Variants in TK2 observed in about 807,000 individuals in gnomAD.
TK2 encodes the protein thymidine kinase 2.
A neutral mutation model predicts 41.9 loss-of-function variants in TK2; 35 were observed. That is an observed-to-expected ratio of 0.84 (90% confidence interval 0.64 to 1.11). TK2 has a LOEUF of 1.11. Ranked by LOEUF, TK2 falls within the 50% of genes least tolerant of loss-of-function variation. TK2 has a pLI of 0.00. For synonymous variants in TK2, 128 were observed against 129.1 expected (o/e 0.99, Z 0.06); for missense variants, 320 against 351.1 (o/e 0.91, Z 0.71).
chr16:66,530,029 T>C (rs1965060719), intron 5 of TK2, among the ~76,000 whole-genome samples: 1 of 152,130 alleles, frequency 6.6e-6, no homozygotes, highest in African/African-American at 2.4e-5. Context: ...ACAACTTAGG[T>C]TTGCAATTGA....
rs1197038268 is a variant in TK2 at position 66,550,104 on chromosome 16, C to G, written c.-43G>C. The stretch of plus-strand genomic sequence containing the variant: ...CAGAGGCCCGGGGTTCCTTCTTGTG[C>G]GAGTCGGCGCGGACGACTGCTAGTC... On this transcript the variant is annotated 5_prime_UTR_variant, in exon 1 of 10. Transcript: ENST00000544898. 12 of 1,608,156 alleles carry G rather than the reference C, an allele frequency of 7.5e-6. No homozygotes were observed. Among genetic ancestry groups the G allele is most frequent in the Non-Finnish European group, 9.3e-6 (11 of 1,178,358 alleles).
At chr16:66,520,098 T>C (rs894289205) in intron 6 of TK2, among the ~76,000 whole-genome samples, 1 of 152,216 alleles carries the variant, frequency 6.6e-6, no homozygotes, top group South Asian at 2.1e-4. Flanking sequence ...CTGAGCAGAC[T>C]GCAGCACAGA....
chr16:66,545,907 G>A (rs1031227427), intron 2 of TK2, among the ~76,000 whole-genome samples: 5 of 152,112 alleles, frequency 3.3e-5, no homozygotes, highest in Admixed American at 1.3e-4. Flanking sequence ...TATATGGAAC[G>A]TCCAGAAAAC....
chr16:66,528,927 A>C (rs1226818682), intron 6 of TK2, 67 bp downstream of exon 6: 1 of 1,474,000 alleles, frequency 6.8e-7, no homozygotes. Context: ...AATCGAATAA[A>C]CAAGTTTCTA....
At chr16:66,548,328 C>A in intron 2 of TK2, among the ~76,000 whole-genome samples, 1 of 152,154 alleles carries the variant, frequency 6.6e-6, no homozygotes, top group East Asian at 1.9e-4. Context: ...TGCCAAGCCA[C>A]CCCCTTCCCA....
Position 66,517,079 on chromosome 16 carries a change from G to T in TK2, c.618+57C>A. 1 of 1,497,488 alleles carries T rather than the reference G, an allele frequency of 6.7e-7. No homozygotes were observed. Among genetic ancestry groups the T allele is most frequent in the Non-Finnish European group, 9.3e-7 (1 of 1,073,866 alleles). The allele number at this position is 1,497,488 out of a possible 1,614,324, so 92.8% of individuals were successfully genotyped here. On this transcript the variant is annotated intron_variant, in intron 8 of 9. Coordinates refer to ENST00000544898, the MANE Select transcript of TK2 (RefSeq NM_004614.5). This position sits in a 1 kb window ranked among gnomAD's most constrained non-coding sequence, Gnocchi z 4.3. ...GGGGTGGGGCCGGGAGAGGAAGCCG[G>T]GTTGGACAGAGGTGGTTTCCCAGTT...
chr16:66,541,804 G>T, intron 3 of TK2, 75 bp downstream of exon 3: 1 of 1,464,216 alleles, frequency 6.8e-7, no homozygotes, highest in Non-Finnish European at 9.6e-7. Context: ...TATTGGACAA[G>T]GTTAGTCCAC....
intron 3 of TK2, among the ~76,000 whole-genome samples, chr16:66,540,316 G>T (rs1367907984): frequency 6.6e-6 from 1 of 151,772 alleles, no homozygotes; most frequent in Non-Finnish European, 1.5e-5. Context: ...GGGACTACAG[G>T]CATGTGCCAC....
chr16:66,518,496 C>T (rs1169287092), intron 6 of TK2, among the ~76,000 whole-genome samples: 43 of 152,282 alleles, frequency 2.8e-4, no homozygotes, highest in Non-Finnish European at 8.8e-5. Context: ...TGCCACTGCA[C>T]TCCAGCCTGG....
At chr16:66,528,788 G>A (rs1307075566) in intron 6 of TK2, among the ~76,000 whole-genome samples, 1 of 152,160 alleles carries the variant, frequency 6.6e-6, no homozygotes, top group African/African-American at 2.4e-5. Context: ...AGAGCTGCCT[G>A]GTGACCACCC....
chr16:66,517,957 C>CGGCTCTCAATGAAAGGAGTCAATGAAA lies in TK2; in HGVS notation c.450-81_450-80insTTTCATTGACTCCTTTCATTGAGAGCC. On this transcript the variant is annotated intron_variant, in intron 6 of 9. Transcript: ENST00000544898. This position sits in a 1 kb window ranked among gnomAD's most constrained non-coding sequence, Gnocchi z 4.3. ...CAATTCCCCCAAAAGGATCTTGAGA[C>CGGCTCTCAATGAAAGGAGTCAATGAAA]GGCTCTCAATGAAAGGAGTCACCAA... 8.3e-7 allele frequency: 1 copy of CGGCTCTCAATGAAAGGAGTCAATGAAA among 1,211,722 alleles called. No homozygotes were observed. The highest frequency in any genetic ancestry group is 1.2e-6 in the Non-Finnish European group (1 of 814,070). The allele number at this position is 1,211,722 out of a possible 1,614,324, so 75.1% of individuals were successfully genotyped here. A position where few individuals can be genotyped will look rare whatever the true frequency, so the allele number is the denominator to read the frequency against.
At chr16:66,515,034 G>A (rs1388370090) in intron 8 of TK2, among the ~76,000 whole-genome samples, 2 of 152,070 alleles carry the variant, frequency 1.3e-5, no homozygotes, top group African/African-American at 4.8e-5. Context: ...ACTGCGGAAG[G>A]CGGCAGGGCC....
intron 2 of TK2, among the ~76,000 whole-genome samples, chr16:66,543,444 C>CTCCG (rs1313937372): frequency 6.6e-6 from 1 of 152,200 alleles, no homozygotes; most frequent in African/African-American, 2.4e-5. Flanking sequence ...GTGGCTCTGG[C>CTCCG]TCCAGCAGAT....
At chr16:66,549,223 T>A in intron 1 of TK2, 1 of 1,425,918 alleles carries the variant, frequency 7.0e-7, no homozygotes, top group Non-Finnish European at 9.2e-7. Flanking sequence ...GGACCCCCAG[T>A]GTGCTCGAGT....
At chr16:66,530,913 G>A (rs1965090829) in intron 5 of TK2, among the ~76,000 whole-genome samples, 1 of 152,000 alleles carries the variant, frequency 6.6e-6, no homozygotes, top group Admixed American at 6.6e-5. Flanking sequence ...AGTAGAGATG[G>A]GGTTTCACCA....
rs1284120604 is a variant in TK2 at position 66,548,962 on chromosome 16, T to TA, written c.156+15dup. ...ACCAAATTATCCTAGAGAGTACACA[T>TA]AAAAGAGGGACTTACCACTGATTTT... On this transcript the variant is annotated intron_variant, in intron 2 of 9. Transcript: ENST00000544898. The TA allele has an allele frequency of 2.5e-6, 4 of 1,610,842 alleles. No homozygotes were observed. The Admixed American group carries it at 6.7e-5, about 27-fold the overall frequency.
rs999183757 is a variant in TK2, at chr16:66,510,044, C to T, written c.*1924G>A. On this transcript the variant is annotated 3_prime_UTR_variant, in exon 10 of 10. Transcript: ENST00000544898. ...AAACACGGAGTTTGAAAAATAAAAA[C>T]ACGTTAATCTACTGGCAAAAGCAGC... 6.6e-6 allele frequency: 1 copy of T among 152,126 alleles called. No individual in the cohort carries two copies. The highest frequency in any genetic ancestry group is 2.4e-5 in the African/African-American group (1 of 41,420). The allele number at this position is 152,126 out of a possible 1,614,324, so 9.4% of individuals were successfully genotyped here.
chr16:66,536,141 T>A (rs1567536227), intron 4 of TK2, among the ~76,000 whole-genome samples: 2 of 150,532 alleles, frequency 1.3e-5, no homozygotes, highest in Non-Finnish European at 1.5e-5. Context: ...GAGACAGAGG[T>A]TGCAGTGAGC....
Position 66,517,860 on chromosome 16 carries a change from A to G in TK2, c.467T>C (p.Val156Ala). Reference protein sequence around the residue: ...NLYRSGKMPEVDYVVLSEWFD... With the variant: ...NLYRSGKMPEADYVVLSEWFD... ...CCATTCCGACAGAACTACATAGTCCACTTCTGGCATCTTCCCACTGCAATG... is the reference window on the plus strand; with the variant it reads ...CCATTCCGACAGAACTACATAGTCCGCTTCTGGCATCTTCCCACTGCAATG... The change falls in exon 7 of 10, where the codon GTG becomes GCG. Residue 156 changes from valine to alanine, a missense_variant. Transcript: ENST00000544898. The surrounding 1 kb of genome is among the most constrained non-coding windows in gnomAD (Gnocchi z 4.3). The G allele has an allele frequency of 1.9e-6, 3 of 1,614,164 alleles. No homozygotes were observed. The highest frequency in any genetic ancestry group is 2.5e-6 in the Non-Finnish European group (3 of 1,180,008).
Sources: allele counts gnomAD v4.1 joint callset (sites outside exome capture counted in the v4.1 genomes callset), GRCh38; gene constraint gnomAD v4.1.1; non-coding constraint Gnocchi (gnomAD v3.1); transcripts MANE v1.5; gene names NCBI Gene and HGNC (gene_info 2026-07-23, HGNC 2026-07-21).